The following ITCH variants were observed in gnomAD, a reference collection of about 807,000 sequenced individuals.
ITCH encodes itchy E3 ubiquitin protein ligase.
Under a neutral mutation model 126.8 loss-of-function variants are expected in ITCH, and 28 were observed. The ratio of observed to expected loss-of-function variants is 0.22; its 90% CI spans 0.16 to 0.30. ITCH has a LOEUF of 0.30. Ranked by LOEUF, ITCH falls within the 10% of genes least tolerant of loss-of-function variation. The pLI, the probability that ITCH is intolerant of heterozygous loss-of-function variation, is 1.00. For missense variants in ITCH, 631 were observed against 1,032.4 expected, an observed-to-expected ratio of 0.61 and a Z score of 5.33; for synonymous variants, 342 against 340.0, an observed-to-expected ratio of 1.01 and a Z score of -0.06.
chr20:34,368,780 T>C (rs568149326), intron 1 of ITCH, among the ~76,000 whole-genome samples: 19 of 152,282 alleles, frequency 1.2e-4, no homozygotes, highest in African/African-American at 3.6e-4. Flanking sequence ...TCTTTTCCTG[T>C]CCCTAGGAGT....
chr20:34,441,404 G>A (rs565907795), intron 9 of ITCH, among the ~76,000 whole-genome samples: 8 of 152,068 alleles, frequency 5.3e-5, no homozygotes, highest in African/African-American at 1.9e-4. Flanking sequence ...AAGATACTCA[G>A]GTGTAATTTT....
chr20:34,415,973 T>G (rs566917353), intron 6 of ITCH, among the ~76,000 whole-genome samples: 3 of 150,982 alleles, frequency 2.0e-5, no homozygotes, highest in African/African-American at 7.3e-5. Context: ...AATATAAAAA[T>G]TAGCCTGGCC....
At chr20:34,417,813 C>CT (rs1239771602) in intron 6 of ITCH, among the ~76,000 whole-genome samples, 23 of 144,264 alleles carry the variant, frequency 1.6e-4, no homozygotes, top group Admixed American at 1.4e-3. Context: ...TCTCATTCAT[C>CT]TTTTTTTTTC....
rs370123057 is a variant in ITCH, at chr20:34,462,089, G to T, written c.1296-4G>T. On this transcript the variant is annotated splice_polypyrimidine_tract_variant and splice_region_variant and intron_variant, in intron 13 of 24. Coordinates refer to ENST00000374864, the MANE Select transcript of ITCH (RefSeq NM_031483.7). Reference sequence around the variant, plus strand: ...TTGTTTATGTTTTTTCCTGTGTTTCGTAGTCAATTAAATGAAAAGCCCTTA... The same window carrying T: ...TTGTTTATGTTTTTTCCTGTGTTTCTTAGTCAATTAAATGAAAAGCCCTTA... The T allele has an allele frequency of 3.1e-6, 5 of 1,613,192 alleles. No homozygotes were observed. The highest frequency in any genetic ancestry group is 3.4e-6 in the Non-Finnish European group (4 of 1,179,462).
intron 3 of ITCH, among the ~76,000 whole-genome samples, chr20:34,403,238 G>A (rs1376454034): frequency 6.6e-6 from 1 of 151,994 alleles, no homozygotes; most frequent in East Asian, 1.9e-4. Context: ...GATAAGCTAC[G>A]GATCCATTCT....
intron 23 of ITCH, among the ~76,000 whole-genome samples, chr20:34,497,892 T>C (rs1989992655): frequency 6.6e-6 from 1 of 152,268 alleles, no homozygotes; most frequent in Admixed American, 6.5e-5. Flanking sequence ...TTGGTATTTC[T>C]GTAGGGATTG....
At chr20:34,374,428 A>C (rs2037757699) in intron 2 of ITCH, among the ~76,000 whole-genome samples, 1 of 152,210 alleles carries the variant, frequency 6.6e-6, no homozygotes, top group African/African-American at 2.4e-5. Context: ...TAAATTGGGA[A>C]TAGTAATAGC....
intron 14 of ITCH, 97 bp from the exon 15 acceptor site, chr20:34,469,951 T>A: frequency 2.3e-6 from 2 of 883,290 alleles, no homozygotes; most frequent in Non-Finnish European, 3.9e-6. Context: ...TGAATTTGGT[T>A]AGTAAGTGCT....
chr20:34,418,865 A>T (rs1359456085), intron 6 of ITCH, among the ~76,000 whole-genome samples: 1 of 148,160 alleles, frequency 6.7e-6, no homozygotes, highest in Admixed American at 6.9e-5. Flanking sequence ...GGGTTCAAGC[A>T]ATTCTCCTGC....
At chr20:34,447,421 G>T (rs2146314009) in intron 11 of ITCH, among the ~76,000 whole-genome samples, 1 of 152,208 alleles carries the variant, frequency 6.6e-6, no homozygotes, top group South Asian at 2.1e-4. Context: ...GAAATAGTCT[G>T]TTTATTGAGT....
At chr20:34,402,280 C>T in intron 3 of ITCH, 1 of 1,226,218 alleles carries the variant, frequency 8.2e-7, no homozygotes, top group South Asian at 1.2e-5. Context: ...GTCTTCAGGT[C>T]ATGGGCCAGC....
At chr20:34,480,459 C>T (rs1198973480) in intron 18 of ITCH, 140 bp from the exon 19 acceptor site, 7 of 988,096 alleles carry the variant, frequency 7.1e-6, no homozygotes, top group Non-Finnish European at 1.1e-5. Flanking sequence ...ACCTCGGCCT[C>T]CCAGATTGCT....
At chr20:34,379,522 C>T (rs2037970125) in intron 2 of ITCH, among the ~76,000 whole-genome samples, 1 of 151,634 alleles carries the variant, frequency 6.6e-6, no homozygotes, top group Admixed American at 6.6e-5. Context: ...AACTACTATT[C>T]TGTTTTCTGT....
intron 2 of ITCH, among the ~76,000 whole-genome samples, chr20:34,381,214 A>G (rs1001441633): frequency 6.6e-6 from 1 of 151,914 alleles, no homozygotes; most frequent in African/African-American, 2.4e-5. Flanking sequence ...CAGCCTGGCC[A>G]ACAAAGTCTA....
chr20:34,393,932 A>G (rs1260489795), intron 3 of ITCH, 51 bp downstream of exon 3: 1 of 1,526,312 alleles, frequency 6.6e-7, no homozygotes, highest in Non-Finnish European at 9.1e-7. Context: ...CCGTATGATT[A>G]AAAAATAATC....
intron 16 of ITCH, 51 bp from the exon 17 acceptor site, chr20:34,477,721 C>CA: frequency 1.3e-6 from 2 of 1,534,988 alleles, no homozygotes; most frequent in Non-Finnish European, 1.8e-6. Flanking sequence ...AAGTGGTAGA[C>CA]AGTGTTTCAA....
At chr20:34,449,942 A>G (rs1341071263) in intron 12 of ITCH, among the ~76,000 whole-genome samples, 1 of 152,172 alleles carries the variant, frequency 6.6e-6, no homozygotes, top group African/African-American at 2.4e-5. Context: ...AGTGGATTCA[A>G]ATATTAAAAG....
chr20:34,412,927 G>C (rs1247291892), intron 5 of ITCH, among the ~76,000 whole-genome samples: 1 of 151,350 alleles, frequency 6.6e-6, no homozygotes, highest in East Asian at 1.9e-4. Flanking sequence ...ATAGAGCAGA[G>C]ATGAAAGAAA....
intron 14 of ITCH, among the ~76,000 whole-genome samples, chr20:34,464,300 T>C (rs534796020): frequency 6.6e-6 from 1 of 151,408 alleles, no homozygotes; most frequent in Non-Finnish European, 1.5e-5. Context: ...TTTTTTCTTT[T>C]TTTTTTTTTC....
Sources: gnomAD v4.1 joint callset for allele counts (sites outside exome capture counted in the v4.1 genomes callset) on GRCh38, gnomAD v4.1.1 for gene constraint, MANE v1.5 for transcripts, NCBI Gene and HGNC (gene_info 2026-07-23, HGNC 2026-07-21) for gene names.